The following KDELR2 variants were observed in gnomAD, a reference collection of about 807,000 sequenced individuals.
The protein encoded by KDELR2 is KDEL endoplasmic reticulum protein retention receptor 2.
A neutral mutation model predicts 23.9 loss-of-function variants in KDELR2; 15 were observed. The ratio of observed to expected loss-of-function variants is 0.63; its 90% CI spans 0.42 to 0.97. The LOEUF (loss-of-function observed/expected upper bound fraction) is 0.97. Among genes scored for constraint, KDELR2 ranks in the 50% least tolerant of loss-of-function variants. The pLI is 0.00. For missense variants in KDELR2, 272 were observed against 254.6 expected, an observed-to-expected ratio of 1.07 and a Z score of -0.46; for synonymous variants, 119 against 106.2, an observed-to-expected ratio of 1.12 and a Z score of -0.74.
chr7:6,472,845 G>GGAAA (rs1476145976), intron 2 of KDELR2, among the ~76,000 whole-genome samples: 1 of 151,082 alleles, frequency 6.6e-6, no homozygotes. Flanking sequence ...GTAGAAAGAA[G>GGAAA]GAAAGAAAGA....
chr7:6,480,809 A>G (rs965955822), intron 1 of KDELR2, among the ~76,000 whole-genome samples: 1 of 152,242 alleles, frequency 6.6e-6, no homozygotes, highest in Non-Finnish European at 1.5e-5. Flanking sequence ...TTTAGTATGG[A>G]AAAATAAAGC....
intron 4 of KDELR2, among the ~76,000 whole-genome samples, chr7:6,463,579 A>AG (rs1302747844): frequency 2.0e-5 from 3 of 151,970 alleles, no homozygotes; most frequent in Admixed American, 6.6e-5. Flanking sequence ...CTATAAAAAA[A>AG]AAATTTTAAA....
At chr7:6,474,134 A>T (rs772610201) in intron 2 of KDELR2, 50 bp downstream of exon 2, 47 of 1,071,324 alleles carry the variant, frequency 4.4e-5, no homozygotes, top group Non-Finnish European at 6.8e-5. Flanking sequence ...AAGTGTCCAT[A>T]GACCTGTGCA....
chr7:6,480,633 A>G (rs1434435774), intron 1 of KDELR2, among the ~76,000 whole-genome samples: 1 of 151,684 alleles, frequency 6.6e-6, no homozygotes, highest in African/African-American at 2.4e-5. Context: ...TTCCGAGACT[A>G]AAACAGCATT....
At chr7:6,480,400 G>T (rs766482990) in intron 1 of KDELR2, among the ~76,000 whole-genome samples, 1 of 152,194 alleles carries the variant, frequency 6.6e-6, no homozygotes, top group Non-Finnish European at 1.5e-5. Context: ...TGATAATTCA[G>T]AATAGGAGAA....
intron 1 of KDELR2, among the ~76,000 whole-genome samples, chr7:6,479,308 C>G (rs186088861): frequency 6.6e-6 from 1 of 152,016 alleles, no homozygotes; most frequent in South Asian, 2.1e-4. Context: ...CAGCGCACCA[C>G]CACGGCTGGC....
At chr7:6,479,040 C>T (rs188822778) in intron 1 of KDELR2, among the ~76,000 whole-genome samples, 6 of 152,148 alleles carry the variant, frequency 3.9e-5, no homozygotes, top group Non-Finnish European at 8.8e-5. Flanking sequence ...CCACCTACCT[C>T]GGCCTCCCAA....
Position 6,477,208 on chromosome 7 carries a change from G to A in KDELR2, c.92-2924C>T, listed in dbSNP as rs555618524. Among the ~76,000 whole-genome samples the A allele has an allele frequency of 2.1e-3, 320 of 152,274 alleles. 2 individuals carry two copies. Among genetic ancestry groups the A allele is most frequent in the African/African-American group, 7.4e-3 (309 of 41,564 alleles). ...GTGTGGTTTGAAGCCGGTCCATGGA[G>A]TAGCGTCCACGCAGGACAGCCTTGC... On this transcript the variant is annotated intron_variant, in intron 1 of 4. Transcript: ENST00000258739.
chr7:6,477,166 G>C (rs1342813094), intron 1 of KDELR2, among the ~76,000 whole-genome samples: 1 of 152,216 alleles, frequency 6.6e-6, no homozygotes. Flanking sequence ...GAGAGCCCCA[G>C]GTGCGCACAG....
In KDELR2 at chr7:6,484,066, CGGCGGT is replaced by C. The variant is rs768533386; in HGVS notation, c.-15_-10del. On this transcript the variant is annotated 5_prime_UTR_variant, in exon 1 of 5. Coordinates refer to ENST00000258739, the MANE Select transcript of KDELR2 (RefSeq NM_006854.4). ...AGCCGGAAAATGTTCATGGCGGCGG[CGGCGGT>C]GGCGGTCGGCGCAGCGCGGCGGCCC... The C allele has an allele frequency of 1.3e-6, 2 of 1,484,804 alleles. No individual in the cohort carries two copies. The highest frequency in any genetic ancestry group is 3.0e-5 in the East Asian group (1 of 33,878). 92.0% of individuals were successfully genotyped at this position (1,484,804 alleles called of 1,614,324 possible).
chr7:6,465,344 T>C lies in KDELR2; in HGVS notation c.604+727A>G, dbSNP rs981130477. ...GACTACAGGCGCCCACCACCACGCC[T>C]GGCTAAGTTTTTTGTATTTTTAGTA... On this transcript the variant is annotated intron_variant, in intron 4 of 4. Transcript: ENST00000258739. 2.0e-5 allele frequency among the ~76,000 whole-genome samples: 3 copies of C among 151,832 alleles called. No homozygotes were observed. The South Asian group carries it at 6.3e-4, about 32-fold the overall frequency.
At chr7:6,468,436 C>G (rs907157166) in intron 3 of KDELR2, among the ~76,000 whole-genome samples, 3 of 152,072 alleles carry the variant, frequency 2.0e-5, no homozygotes, top group Admixed American at 6.6e-5. Flanking sequence ...TTAAGTGGTT[C>G]TCCTGCCTCA....
chr7:6,465,630 C>G (rs1186152310), intron 4 of KDELR2, among the ~76,000 whole-genome samples: 1 of 152,106 alleles, frequency 6.6e-6, no homozygotes, highest in Admixed American at 6.5e-5. Flanking sequence ...CAGTAACGGC[C>G]TGACCACCCA....
At chr7:6,474,572 T>C (rs1302879523) in intron 1 of KDELR2, among the ~76,000 whole-genome samples, 1 of 152,218 alleles carries the variant, frequency 6.6e-6, no homozygotes, top group Non-Finnish European at 1.5e-5. Context: ...ACGAACCTTT[T>C]ACTTCTCAAA....
At chr7:6,476,421 GGAA>G (rs1442959801) in intron 1 of KDELR2, among the ~76,000 whole-genome samples, 2 of 152,196 alleles carry the variant, frequency 1.3e-5, no homozygotes, top group Non-Finnish European at 2.9e-5. Context: ...TTTCAGAGGG[GGAA>G]GAAGAAAGAA....
rs1785412428 is a variant in KDELR2, at chr7:6,462,665, C to G, written c.*476G>C. On this transcript the variant is annotated 3_prime_UTR_variant, in exon 5 of 5. Transcript: ENST00000258739. The stretch of plus-strand genomic sequence containing the variant: ...CAATTGAACATAGTGTCTCAGATTT[C>G]AAACAAATACAGCTCATCTTTTGCC... 1 of 251,772 alleles carries G rather than the reference C, an allele frequency of 4.0e-6. No homozygotes were observed. The highest frequency in any genetic ancestry group is 2.3e-5 in the African/African-American group (1 of 43,960). 15.6% of individuals were successfully genotyped at this position (251,772 alleles called of 1,614,324 possible).
In KDELR2 at chr7:6,461,688, C is replaced by G. The variant is rs1785391872; in HGVS notation, c.*1453G>C. On this transcript the variant is annotated 3_prime_UTR_variant, in exon 5 of 5. Coordinates refer to ENST00000258739, the MANE Select transcript of KDELR2 (RefSeq NM_006854.4). ...ACACTAGATACAAATGAAACCCATC[C>G]TGCTCCCTTCCTCCAGAAGACGTTG... is the stretch of plus-strand genomic sequence containing the variant. The G allele has an allele frequency of 6.6e-6, 1 of 151,104 alleles. No individual in the cohort carries two copies. Among genetic ancestry groups the G allele is most frequent in the Admixed American group, 6.7e-5 (1 of 15,014 alleles). The allele number at this position is 151,104 out of a possible 1,614,324, so 9.4% of individuals were successfully genotyped here. A position where few individuals can be genotyped will look rare whatever the true frequency, so the allele number is the denominator to read the frequency against.
rs1167852823 is a variant in KDELR2, at chr7:6,462,300, T to TA, written c.*840dup. 2 of 152,224 alleles carry TA rather than the reference T, an allele frequency of 1.3e-5. No homozygotes were observed. Among genetic ancestry groups the TA allele is most frequent in the African/African-American group, 2.4e-5 (1 of 41,456 alleles). 9.4% of individuals were successfully genotyped at this position (152,224 alleles called of 1,614,324 possible). The stretch of plus-strand genomic sequence containing the variant: ...CTTTTGGAATTATAAGTGAAAGTGA[T>TA]AGGTAACTCCTTGTGTTCCATTTCT... On this transcript the variant is annotated 3_prime_UTR_variant, in exon 5 of 5. Transcript: ENST00000258739.
chr7:6,484,113 C>G lies in KDELR2; in HGVS notation c.-56G>C. 8.0e-7 allele frequency: 1 copy of G among 1,243,906 alleles called. No individual in the cohort carries two copies. The highest frequency in any genetic ancestry group is 2.6e-4 in the Middle Eastern group (1 of 3,900). 77.1% of individuals were successfully genotyped at this position (1,243,906 alleles called of 1,614,324 possible). ...GCGGCGGCCCCGGGGCTGGGCGGCT[C>G]AGGAGGCGGCGGCCCCTGAGAGGAA... On this transcript the variant is annotated 5_prime_UTR_variant, in exon 1 of 5. Coordinates refer to ENST00000258739, the MANE Select transcript of KDELR2 (RefSeq NM_006854.4).
Sources: gnomAD v4.1 joint callset for allele counts (sites outside exome capture counted in the v4.1 genomes callset) on GRCh38, gnomAD v4.1.1 for gene constraint, MANE v1.5 for transcripts, NCBI Gene and HGNC (gene_info 2026-07-23, HGNC 2026-07-21) for gene names.